Variants in PLXDC2 observed in about 807,000 individuals in gnomAD.
The protein encoded by PLXDC2 is plexin domain-containing protein 2.
PLXDC2 carries 40 observed loss-of-function variants against 68.9 expected under a neutral mutation model. The ratio of observed to expected loss-of-function variants is 0.58; its 90% CI spans 0.45 to 0.76. PLXDC2 has a LOEUF of 0.76. Ranked by LOEUF, PLXDC2 falls within the 30% of genes least tolerant of loss-of-function variation. The pLI, the probability that PLXDC2 is intolerant of heterozygous loss-of-function variation, is 0.00. For synonymous variants in PLXDC2, 243 were observed against 234.2 expected (o/e 1.04, Z -0.34); for missense variants, 644 against 661.9 (o/e 0.97, Z 0.30).
intron 2 of PLXDC2, 35 bp from the exon 3 acceptor site, chr10:20,046,834 C>G (rs767384136): frequency 1.3e-6 from 2 of 1,548,888 alleles, no homozygotes; most frequent in East Asian, 2.3e-5. Flanking sequence ...TAAAACATCT[C>G]GGTTCTTGAT....
Position 19,893,302 on chromosome 10 carries a change from T to A in PLXDC2, c.112+76111T>A, listed in dbSNP as rs951823532. Among the ~76,000 whole-genome samples, 3 of 152,174 alleles carry A rather than the reference T, an allele frequency of 2.0e-5. No homozygotes were observed. In the South Asian group the frequency reaches 6.2e-4, roughly 32 times the overall value. On this transcript the variant is annotated intron_variant, in intron 1 of 13. Transcript: ENST00000377252. ...TTCGAAGTGTCTAATATTCTTGATG[T>A]TTGTTGTAGGAAGCATTAAATAATA...
At position 20,282,184 on chromosome 10, in the gene PLXDC2, T is replaced by C. The variant is rs1407306790; in HGVS notation, c.*2365T>C. 2 of 152,158 alleles carry C rather than the reference T, an allele frequency of 1.3e-5. No individual in the cohort carries two copies. The highest frequency in any genetic ancestry group is 4.8e-5 in the African/African-American group (2 of 41,444). 9.4% of individuals were successfully genotyped at this position (152,158 alleles called of 1,614,324 possible). A position where few individuals can be genotyped will look rare whatever the true frequency, so the allele number is the denominator to read the frequency against. ...TGAAACTGGAGTGTGGGAAAACTTCTTAACAGAACTAAGAGTTAAAGGTAG... is the reference window on the plus strand; with the variant it reads ...TGAAACTGGAGTGTGGGAAAACTTCCTAACAGAACTAAGAGTTAAAGGTAG... On this transcript the variant is annotated 3_prime_UTR_variant, in exon 14 of 14. Coordinates refer to ENST00000377252, the MANE Select transcript of PLXDC2 (RefSeq NM_032812.9).
At chr10:20,118,862 A>G (rs2884564) in intron 4 of PLXDC2, among the ~76,000 whole-genome samples, 32,534 of 151,878 alleles carry the variant, frequency 0.21, 4,774 homozygotes, top group African/African-American at 0.4. Context: ...GAGCATTTAA[A>G]TAATTTATTT....
At chr10:20,086,783 C>G (rs1202686025) in intron 4 of PLXDC2, among the ~76,000 whole-genome samples, 1 of 152,134 alleles carries the variant, frequency 6.6e-6, no homozygotes, top group Non-Finnish European at 1.5e-5. Flanking sequence ...TGTAGCAGCT[C>G]CTTGAAAAAT....
chr10:20,127,751 A>G (rs1056827261), intron 4 of PLXDC2, among the ~76,000 whole-genome samples: 2 of 152,220 alleles, frequency 1.3e-5, no homozygotes, highest in Non-Finnish European at 2.9e-5. Context: ...GCTACTAGGA[A>G]GGCTGAGGCA....
At chr10:19,833,340 A>C (rs1000285789) in intron 1 of PLXDC2, among the ~76,000 whole-genome samples, 1 of 152,208 alleles carries the variant, frequency 6.6e-6, no homozygotes, top group Non-Finnish European at 1.5e-5. Flanking sequence ...TGCTGCAATT[A>C]ACTAGAAGTG....
chr10:20,251,798 T>A (rs1157430068), intron 13 of PLXDC2, among the ~76,000 whole-genome samples: 1 of 152,148 alleles, frequency 6.6e-6, no homozygotes, highest in East Asian at 1.9e-4. Flanking sequence ...TTTCTTAGTA[T>A]ACATAAATAA....
intron 3 of PLXDC2, among the ~76,000 whole-genome samples, chr10:20,052,575 C>T (rs1282382049): frequency 6.6e-6 from 1 of 151,956 alleles, no homozygotes; most frequent in African/African-American, 2.4e-5. Flanking sequence ...TGCTCTTGTT[C>T]TCGTTGACAT....
intron 1 of PLXDC2, among the ~76,000 whole-genome samples, chr10:19,920,601 C>G (rs1310261273): frequency 6.6e-6 from 1 of 152,220 alleles, no homozygotes; most frequent in Non-Finnish European, 1.5e-5. Flanking sequence ...GGGGAAAACC[C>G]TCCCACTCCA....
intron 1 of PLXDC2, among the ~76,000 whole-genome samples, chr10:19,996,039 G>A (rs1171372863): frequency 1.3e-5 from 2 of 152,182 alleles, no homozygotes; most frequent in African/African-American, 4.8e-5. Context: ...TAGTTGAGTG[G>A]ATATAAGGAG....
At position 19,822,765 on chromosome 10, in the gene PLXDC2, AT is replaced by A. The variant is rs371837273; in HGVS notation, c.112+5582del. 6.6e-4 allele frequency among the ~76,000 whole-genome samples: 100 copies of A among 151,820 alleles called. 1 individual carries two copies. Among genetic ancestry groups the A allele is most frequent in the African/African-American group, 2.2e-3 (92 of 41,420 alleles). ...GGACCATGTCATATGCCTGTTGGCC[AT>A]TTTTTTTGTCTTCTTTGGAGAAATG... On this transcript the variant is annotated intron_variant, in intron 1 of 13. Coordinates refer to ENST00000377252, the MANE Select transcript of PLXDC2 (RefSeq NM_032812.9).
intron 4 of PLXDC2, among the ~76,000 whole-genome samples, chr10:20,069,039 A>G (rs763357491): frequency 7.2e-5 from 11 of 152,210 alleles, no homozygotes; most frequent in Non-Finnish European, 1.6e-4. Flanking sequence ...AAGAAATTCC[A>G]TAGGTGTACA....
intron 2 of PLXDC2, among the ~76,000 whole-genome samples, 179 bp downstream of exon 2, chr10:20,002,165 T>G (rs1201621985): frequency 2.6e-5 from 4 of 152,164 alleles, no homozygotes; most frequent in Non-Finnish European, 5.9e-5. Context: ...ATCCATTAAT[T>G]CATTTACAGA....
chr10:20,024,381 C>CA (rs1344030115), intron 2 of PLXDC2, among the ~76,000 whole-genome samples: 2 of 152,114 alleles, frequency 1.3e-5, no homozygotes, highest in East Asian at 3.9e-4. Flanking sequence ...TGTAACAGAA[C>CA]ACTGATGTGC....
chr10:20,092,548 C>A (rs1007803635), intron 4 of PLXDC2, among the ~76,000 whole-genome samples: 1 of 152,026 alleles, frequency 6.6e-6, no homozygotes, highest in African/African-American at 2.4e-5. Flanking sequence ...TTGGACAAAT[C>A]TCACAGAAGT....
chr10:20,131,212 T>G (rs933927337), intron 4 of PLXDC2, among the ~76,000 whole-genome samples: 4 of 151,876 alleles, frequency 2.6e-5, no homozygotes. Context: ...TCTGGTTTCT[T>G]TTATCCATAT....
At chr10:20,178,371 T>C (rs1299930871) in intron 9 of PLXDC2, among the ~76,000 whole-genome samples, 1 of 152,132 alleles carries the variant, frequency 6.6e-6, no homozygotes, top group Non-Finnish European at 1.5e-5. Context: ...TGTTTTGTTA[T>C]TTACTCAACC....
chr10:20,216,712 A>G (rs1366747240), intron 10 of PLXDC2, among the ~76,000 whole-genome samples: 1 of 152,230 alleles, frequency 6.6e-6, no homozygotes, highest in Admixed American at 6.5e-5. Context: ...CTTCTAAGCT[A>G]TAAAAGTTTG....
At chr10:19,934,489 G>A (rs1019797959) in intron 1 of PLXDC2, among the ~76,000 whole-genome samples, 1 of 152,184 alleles carries the variant, frequency 6.6e-6, no homozygotes, top group Non-Finnish European at 1.5e-5. Flanking sequence ...CAACGTAAGT[G>A]CACCAGTGTG....
Sources: allele counts gnomAD v4.1 joint callset (sites outside exome capture counted in the v4.1 genomes callset), GRCh38; gene constraint gnomAD v4.1.1; transcripts MANE v1.5; gene names NCBI Gene and HGNC (gene_info 2026-07-23, HGNC 2026-07-21).